CHMP7: variants seen among roughly 807,000 people sequenced by gnomAD.
The protein encoded by CHMP7 is CHMP family, member 7.
Under a neutral mutation model 53.7 loss-of-function variants are expected in CHMP7, and 15 were observed. That is an observed-to-expected ratio of 0.28 (90% CI 0.19 to 0.43). The LOEUF (loss-of-function observed/expected upper bound fraction) is 0.43. CHMP7 is among the 20% of genes least tolerant of loss of function. The probability of loss-of-function intolerance (pLI) is 1.00; values close to 1 mark genes in which losing one functional copy is unlikely to be tolerated. For missense variants in CHMP7, 527 were observed against 569.4 expected (o/e 0.93, Z 0.76); for synonymous variants, 261 against 228.0 (o/e 1.14, Z -1.30).
rs749193122 is a variant in CHMP7, at chr8:23,246,872, G to A, written c.177G>A (p.Leu59=). ...GCAAGATGGGCTTCTGGGCGCCGTT[G>A]GTGCTGAGCCACAGCCGCCGCCAGG... The part of the protein sequence containing the change: ...WDSKMGFWAP[L]VLSHSRRQGV... The change falls in exon 2 of 11, where the codon TTG becomes TTA. Residue 59 remains leucine (L), a synonymous_variant. Coordinates refer to ENST00000397677, the MANE Select transcript of CHMP7 (RefSeq NM_152272.5). The A allele has an allele frequency of 6.3e-6, 10 of 1,592,930 alleles. No individual in the cohort carries two copies. The highest frequency in any genetic ancestry group is 7.7e-6 in the Non-Finnish European group (9 of 1,170,554).
chr8:23,251,958 C>G (rs1032000359), intron 3 of CHMP7, among the ~76,000 whole-genome samples: 1 of 151,978 alleles, frequency 6.6e-6, no homozygotes, highest in Non-Finnish European at 1.5e-5. Flanking sequence ...AACTACTTTT[C>G]AAAAGTTTGT....
rs780295073 is a variant in CHMP7 at position 23,258,392 on chromosome 8, G to A, written c.903G>A (p.Lys301=). 1 of 1,614,132 alleles carries A rather than the reference G, an allele frequency of 6.2e-7. No homozygotes were observed. The highest frequency in any genetic ancestry group is 8.5e-7 in the Non-Finnish European group (1 of 1,180,028). The change falls in exon 7 of 11, where the codon AAG becomes AAA. Residue 301 remains lysine, a synonymous_variant. Coordinates refer to ENST00000397677, the MANE Select transcript of CHMP7 (RefSeq NM_152272.5). ...AGCGCATCGAGGCCTTGCATGCCAA[G>A]CTGGACACTGTTCAAGGCATCCTGG... ...TEKRIEALHA[K]LDTVQGILDR... is the part of the protein sequence containing the mutation.
At chr8:23,259,165 T>G in intron 9 of CHMP7, 39 bp downstream of exon 9, 1 of 561,416 alleles carries the variant, frequency 1.8e-6, no homozygotes, top group Non-Finnish European at 2.6e-6. Flanking sequence ...TTTATTCATT[T>G]TTTTTTTTTT....
rs1422079457 is a variant in CHMP7, at chr8:23,260,128, T to A, written c.1121-16T>A. The A allele has an allele frequency of 6.2e-7, 1 of 1,608,922 alleles. No individual in the cohort carries two copies. Among genetic ancestry groups the A allele is most frequent in the Admixed American group, 1.7e-5 (1 of 60,008 alleles). Reference sequence around the variant, plus strand: ...CCCTTGAGTTTATGCATCTTTATGTTGTCTTTTCTTTCCAGATTTTGACAG... The same window carrying A: ...CCCTTGAGTTTATGCATCTTTATGTAGTCTTTTCTTTCCAGATTTTGACAG... On this transcript the variant is annotated splice_polypyrimidine_tract_variant and intron_variant, in intron 9 of 10. Coordinates refer to ENST00000397677, the MANE Select transcript of CHMP7 (RefSeq NM_152272.5).
intron 3 of CHMP7, among the ~76,000 whole-genome samples, chr8:23,251,921 C>G (rs1383450070): frequency 6.6e-6 from 1 of 152,054 alleles, no homozygotes; most frequent in Admixed American, 6.6e-5. Flanking sequence ...TGCATATGTG[C>G]CTTTTCAATT....
chr8:23,256,456 T>C lies in CHMP7; in HGVS notation c.658-4T>C. On this transcript the variant is annotated splice_region_variant and splice_polypyrimidine_tract_variant and intron_variant, in intron 4 of 10. Transcript: ENST00000397677. ...AGCAGTAGTAATTTCTCCCTGTCCC[T>C]CAGATTGTGAAGTTTGCCCGAGGGC... is the stretch of plus-strand genomic sequence containing the variant. 6.3e-7 allele frequency: 1 copy of C among 1,599,970 alleles called. No homozygotes were observed. The highest frequency in any genetic ancestry group is 8.6e-7 in the Non-Finnish European group (1 of 1,167,234).
At position 23,255,438 on chromosome 8, in the gene CHMP7, G is replaced by C; in HGVS notation, c.657+6G>C. ...TCGAGCAGAACGGGGAGAAGGTATG[G>C]AGGCTCATCTGTTCATTCACTGACT... On this transcript the variant is annotated splice_donor_region_variant and intron_variant, in intron 4 of 10. Coordinates refer to ENST00000397677, the MANE Select transcript of CHMP7 (RefSeq NM_152272.5). 1 of 1,613,534 alleles carries C rather than the reference G, an allele frequency of 6.2e-7. No individual in the cohort carries two copies. Among genetic ancestry groups the C allele is most frequent in the Non-Finnish European group, 8.5e-7 (1 of 1,179,440 alleles).
chr8:23,258,469 C>G lies in CHMP7; in HGVS notation c.960+20C>G. The G allele has an allele frequency of 6.2e-7, 1 of 1,613,722 alleles. No homozygotes were observed. The highest frequency in any genetic ancestry group is 8.5e-7 in the Non-Finnish European group (1 of 1,179,932). ...CAGATGGTAGTCACTCCCCTCTACT[C>G]CAGCACTTGGCTGGTCTCTCCGTGT... On this transcript the variant is annotated intron_variant, in intron 7 of 10. Coordinates refer to ENST00000397677, the MANE Select transcript of CHMP7 (RefSeq NM_152272.5).
At chr8:23,250,039 G>A (rs534756793) in intron 3 of CHMP7, among the ~76,000 whole-genome samples, 2 of 152,298 alleles carry the variant, frequency 1.3e-5, no homozygotes, top group East Asian at 3.9e-4. Context: ...GCCACATGGG[G>A]TTTACCACCC....
intron 1 of CHMP7, among the ~76,000 whole-genome samples, chr8:23,244,481 T>C (rs73558347): frequency 0.018 from 2,671 of 152,346 alleles, 79 homozygotes; most frequent in African/African-American, 0.061. Flanking sequence ...CTGGGATTCC[T>C]ATTCTGTTCC....
intron 3 of CHMP7, among the ~76,000 whole-genome samples, chr8:23,253,723 C>T (rs1308439332): frequency 6.6e-6 from 1 of 152,192 alleles, no homozygotes; most frequent in Non-Finnish European, 1.5e-5. Flanking sequence ...TGACTTTCCA[C>T]TAGACTTTTT....
In CHMP7 at chr8:23,257,605, C is replaced by T. The variant is rs371851028; in HGVS notation, c.792-428C>T. ...CTGCCCTTCCCCCTGAATGACTGTA[C>T]AAGGAATCCCTAATAAAGACACACC... On this transcript the variant is annotated intron_variant, in intron 5 of 10. Coordinates refer to ENST00000397677, the MANE Select transcript of CHMP7 (RefSeq NM_152272.5). 9.8e-5 allele frequency among the ~76,000 whole-genome samples: 15 copies of T among 152,306 alleles called. No individual in the cohort carries two copies. In the South Asian group the frequency reaches 2.5e-3, roughly 25 times the overall value.
chr8:23,257,991 C>T (rs1272966602), intron 5 of CHMP7, 42 bp from the exon 6 acceptor site: 27 of 1,465,780 alleles, frequency 1.8e-5, no homozygotes, highest in Non-Finnish European at 2.5e-5. Context: ...CTGCCACTCC[C>T]ATCCTGTGGC....
In CHMP7 at chr8:23,256,402, G is replaced by A. The variant is rs572887556; in HGVS notation, c.658-58G>A. 2.1e-4 allele frequency: 273 copies of A among 1,304,932 alleles called. No homozygotes were observed. In the African/African-American group the frequency reaches 3.5e-3, roughly 17 times the overall value. The allele number at this position is 1,304,932 out of a possible 1,614,324, so 80.8% of individuals were successfully genotyped here. A position where few individuals can be genotyped will look rare whatever the true frequency, so the allele number is the denominator to read the frequency against. Reference sequence around the variant, plus strand: ...CACATGCCCACCACCAGCGCTCCTGGTTGGGAATTTCTCAGCCTTTGTGGT... The same window carrying A: ...CACATGCCCACCACCAGCGCTCCTGATTGGGAATTTCTCAGCCTTTGTGGT... On this transcript the variant is annotated intron_variant, in intron 4 of 10. Transcript: ENST00000397677.
In CHMP7 at chr8:23,260,412, C is replaced by A. The variant is rs921676425; in HGVS notation, c.1300+89C>A. ...GCCCAAGCCCAATTACTCCATTTGCCAGAGTACCAGAGCCCTGTAGGGAGT... is the reference window on the plus strand; with the variant it reads ...GCCCAAGCCCAATTACTCCATTTGCAAGAGTACCAGAGCCCTGTAGGGAGT... On this transcript the variant is annotated intron_variant, in intron 10 of 10. Transcript: ENST00000397677. 14 of 1,537,388 alleles carry A rather than the reference C, an allele frequency of 9.1e-6. No homozygotes were observed. The Admixed American group carries it at 2.2e-4, about 24-fold the overall frequency.
At chr8:23,256,665 A>C in intron 5 of CHMP7, 72 bp downstream of exon 5, 1 of 1,213,168 alleles carries the variant, frequency 8.2e-7, no homozygotes, top group Non-Finnish European at 1.1e-6. Context: ...ATGTTAGTAT[A>C]TGTGGGCTTT....
intron 7 of CHMP7, 74 bp from the exon 8 acceptor site, chr8:23,258,658 T>C: frequency 7.9e-7 from 1 of 1,270,120 alleles, no homozygotes; most frequent in Non-Finnish European, 1.1e-6. Flanking sequence ...AGCTGCCTTT[T>C]GGAGTTGAAA....
In CHMP7 at chr8:23,249,258, C is replaced by A; in HGVS notation, c.348C>A (p.Ser116Arg). Residue 116 changes from serine to arginine, a missense_variant, in exon 3 of 11, where the codon AGC becomes AGA. Coordinates refer to ENST00000397677, the MANE Select transcript of CHMP7 (RefSeq NM_152272.5). ...RESDFMASVD[S>R]SWISWGVGVF... Reference sequence around the variant, plus strand: ...CAGACTTCATGGCCAGTGTAGACAGCAGCTGGATCTCCTGGGGGGTTGGGG... The same window carrying A: ...CAGACTTCATGGCCAGTGTAGACAGAAGCTGGATCTCCTGGGGGGTTGGGG... The A allele has an allele frequency of 6.2e-7, 1 of 1,611,002 alleles. No homozygotes were observed. Among genetic ancestry groups the A allele is most frequent in the Non-Finnish European group, 8.5e-7 (1 of 1,178,592 alleles).
rs960717683 is a variant in CHMP7, at chr8:23,260,726, T to C, written c.*127T>C. ...AGAAAGGAGAACCACTGATTTTATC[T>C]GGATGCTACTACTTACTACAGGACA... On this transcript the variant is annotated 3_prime_UTR_variant, in exon 11 of 11. Transcript: ENST00000397677. 22 of 756,460 alleles carry C rather than the reference T, an allele frequency of 2.9e-5. No homozygotes were observed. The highest frequency in any genetic ancestry group is 4.9e-5 in the Non-Finnish European group (21 of 431,558). 46.9% of individuals were successfully genotyped at this position (756,460 alleles called of 1,614,324 possible). A position where few individuals can be genotyped will look rare whatever the true frequency, so the allele number is the denominator to read the frequency against.
Sources: allele counts gnomAD v4.1 joint callset (sites outside exome capture counted in the v4.1 genomes callset), GRCh38; gene constraint gnomAD v4.1.1; transcripts MANE v1.5; gene names NCBI Gene and HGNC (gene_info 2026-07-23, HGNC 2026-07-21).